The following STK4 variants were observed in gnomAD, a reference collection of about 807,000 sequenced individuals.
STK4 encodes the protein serine/threonine kinase 4.
STK4 carries 30 observed loss-of-function variants against 64.9 expected under a neutral mutation model. The observed-to-expected ratio is 0.46, with a 90% confidence interval of 0.35 to 0.63. The LOEUF (loss-of-function observed/expected upper bound fraction) is 0.63. STK4 is among the 20% of genes least tolerant of loss of function. The pLI is 0.01. For synonymous variants in STK4, 177 were observed against 199.0 expected, an observed-to-expected ratio of 0.89 and a Z score of 0.93; for missense variants, 466 against 598.5, an observed-to-expected ratio of 0.78 and a Z score of 2.31.
chr20:44,984,182 C>CGAT (rs2067488561), intron 4 of STK4, among the ~76,000 whole-genome samples: 5 of 79,968 alleles, frequency 6.3e-5, no homozygotes, highest in Non-Finnish European at 1.2e-4. Context: ...TTGTTGTTGT[C>CGAT]GTTGTTTTTT....
intron 7 of STK4, 58 bp from the exon 8 acceptor site, chr20:45,000,334 T>G: frequency 6.4e-7 from 1 of 1,566,980 alleles, no homozygotes; most frequent in South Asian, 1.2e-5. Flanking sequence ...TTCCAGGTAC[T>G]GTTTTGGCAC....
chr20:45,057,965 A>G (rs972011589), intron 10 of STK4, among the ~76,000 whole-genome samples: 2 of 152,184 alleles, frequency 1.3e-5, no homozygotes, highest in African/African-American at 2.4e-5. Flanking sequence ...GCTTTTACAG[A>G]ATAAGGATTA....
chr20:44,979,818 C>T (rs1447717350), intron 3 of STK4, among the ~76,000 whole-genome samples: 1 of 151,262 alleles, frequency 6.6e-6, no homozygotes, highest in Non-Finnish European at 1.5e-5. Context: ...TAGATAAAAT[C>T]CCCATTTTTC....
intron 10 of STK4, among the ~76,000 whole-genome samples, chr20:45,035,491 G>A (rs1017815212): frequency 1.3e-5 from 2 of 152,086 alleles, no homozygotes; most frequent in Non-Finnish European, 2.9e-5. Flanking sequence ...AGCTTTTAGA[G>A]TAAATTTCCT....
At chr20:45,026,081 G>GTT in intron 10 of STK4, among the ~76,000 whole-genome samples, 1 of 111,158 alleles carries the variant, frequency 9.0e-6, no homozygotes, top group Non-Finnish European at 2.0e-5. Flanking sequence ...TAGAACCCAG[G>GTT]CTATTTGTTT....
chr20:45,025,870 T>C (rs2068335199), intron 10 of STK4, among the ~76,000 whole-genome samples: 1 of 152,250 alleles, frequency 6.6e-6, no homozygotes, highest in Non-Finnish European at 1.5e-5. Flanking sequence ...TGGGCTTGAA[T>C]TCTGGTAGGC....
At chr20:45,051,232 A>G (rs1032678634) in intron 10 of STK4, among the ~76,000 whole-genome samples, 2 of 152,192 alleles carry the variant, frequency 1.3e-5, no homozygotes, top group East Asian at 1.9e-4. Flanking sequence ...TTGCCAAGCA[A>G]AATTGATTGT....
In STK4 at chr20:45,078,182, AAT is replaced by A. The variant is rs1485581791; in HGVS notation, c.*3007_*3008del. ...ACCTGATTCTGTCTTTAAAAAAAAA[AAT>A]CTCAGAATTCTTTTTTTGTTTGTGT... On this transcript the variant is annotated 3_prime_UTR_variant, in exon 11 of 11. Coordinates refer to ENST00000372806, the MANE Select transcript of STK4 (RefSeq NM_006282.5). The A allele has an allele frequency of 6.7e-6, 1 of 149,048 alleles. No homozygotes were observed. Among genetic ancestry groups the A allele is most frequent in the Non-Finnish European group, 1.5e-5 (1 of 66,678 alleles). 9.2% of individuals were successfully genotyped at this position (149,048 alleles called of 1,614,324 possible).
chr20:44,978,375 GT>G, intron 2 of STK4, 67 bp from the exon 3 acceptor site: 1 of 1,546,092 alleles, frequency 6.5e-7, no homozygotes, highest in Non-Finnish European at 8.7e-7. Context: ...AGTTGCTTGT[GT>G]TTTACCACTT....
chr20:44,994,499 TC>T (rs1278916562), intron 5 of STK4, among the ~76,000 whole-genome samples: 3 of 151,876 alleles, frequency 2.0e-5, no homozygotes, highest in Non-Finnish European at 4.4e-5. Flanking sequence ...CTTTTTTTTT[TC>T]TTTTTAATAT....
chr20:45,024,426 T>A (rs2068307934), intron 9 of STK4, among the ~76,000 whole-genome samples: 1 of 152,166 alleles, frequency 6.6e-6, no homozygotes, highest in African/African-American at 2.4e-5. Context: ...TTTTTAAAGT[T>A]ACCTAATATT....
intron 9 of STK4, among the ~76,000 whole-genome samples, chr20:45,008,087 C>T (rs2067981338): frequency 6.6e-6 from 1 of 152,194 alleles, no homozygotes; most frequent in Admixed American, 6.5e-5. Context: ...CGGAGTCTTG[C>T]TCTGTCGCCC....
At chr20:45,000,662 A>G in intron 8 of STK4, 142 bp downstream of exon 8, 1 of 1,216,420 alleles carries the variant, frequency 8.2e-7, no homozygotes. Flanking sequence ...AACCTGGATC[A>G]ACGCATGCTA....
intron 10 of STK4, among the ~76,000 whole-genome samples, chr20:45,050,112 G>A (rs1568755290): frequency 6.6e-6 from 1 of 152,148 alleles, no homozygotes; most frequent in Non-Finnish European, 1.5e-5. Flanking sequence ...TTCCTAGGCT[G>A]GCTGCAGAGA....
At chr20:45,021,762 A>G (rs1348072275) in intron 9 of STK4, among the ~76,000 whole-genome samples, 2 of 152,252 alleles carry the variant, frequency 1.3e-5, no homozygotes, top group African/African-American at 4.8e-5. Context: ...TCTTTGCTTT[A>G]TGCCTGTACA....
chr20:45,068,840 T>A (rs2145480235), intron 10 of STK4, among the ~76,000 whole-genome samples: 1 of 152,352 alleles, frequency 6.6e-6, no homozygotes, highest in South Asian at 2.1e-4. Context: ...ATGCAAATGG[T>A]GAAGTAATTA....
chr20:45,052,924 G>A (rs1185138302), intron 10 of STK4, among the ~76,000 whole-genome samples: 1 of 152,192 alleles, frequency 6.6e-6, no homozygotes, highest in Non-Finnish European at 1.5e-5. Flanking sequence ...TAGTCCTGTC[G>A]AGCAGTTTCT....
chr20:44,972,907 A>AT (rs2067274862), intron 2 of STK4: 1 of 147,256 alleles, frequency 6.8e-6, no homozygotes. Context: ...GCATACAATA[A>AT]AAAAAAAAAA....
intron 9 of STK4, among the ~76,000 whole-genome samples, chr20:45,009,338 C>G (rs2180291): frequency 6.6e-6 from 1 of 152,096 alleles, no homozygotes; most frequent in East Asian, 1.9e-4. Flanking sequence ...CGAAGATTAG[C>G]TGGTTGTAGG....
Sources: allele counts gnomAD v4.1 joint callset (sites outside exome capture counted in the v4.1 genomes callset), GRCh38; gene constraint gnomAD v4.1.1; transcripts MANE v1.5; gene names NCBI Gene and HGNC (gene_info 2026-07-23, HGNC 2026-07-21).